Variants in MED14 observed in about 807,000 individuals in gnomAD.
MED14 encodes the protein mediator of RNA polymerase II transcription subunit 14.
MED14 carries 8 observed loss-of-function variants against 109.0 expected under a neutral mutation model. That is an observed-to-expected ratio of 0.07 (90% CI 0.04 to 0.13). The LOEUF (loss-of-function observed/expected upper bound fraction) is 0.13, where lower values mean the gene tolerates loss of function less well. MED14 is among the 10% of genes least tolerant of loss of function. The pLI is 1.00. For synonymous variants in MED14, 399 were observed against 408.7 expected (o/e 0.98, Z 0.29); for missense variants, 711 against 1,142.4 (o/e 0.62, Z 5.44).
In MED14 at chrX:40,680,885, T is replaced by C. The variant is rs1243957792; in HGVS notation, c.2483A>G (p.His828Arg). 2.1e-5 allele frequency: 25 copies of C among 1,187,522 alleles called. No homozygotes were observed. Among genetic ancestry groups the C allele is most frequent in the African/African-American group, 3.5e-5 (2 of 56,705 alleles). ...SSISIQWNSI[H>R]QKFHISLGTV... ...TCCCAAAGAAATGTGGAATTTTTGA[T>C]GGATCGAATTCCATTGGATACTAAT... Residue 828 changes from histidine (H) to arginine (R), a missense_variant, in exon 20 of 31, where the codon CAT becomes CGT. Around this residue, in one of 8 missense-constraint regions of MED14, gnomAD observed 388 missense variants for 517.3 expected, o/e 0.75. Transcript: ENST00000324817.
At chrX:40,730,931 G>A (rs972044599) in intron 1 of MED14, among the ~76,000 whole-genome samples, 7 of 107,681 alleles carry the variant, frequency 6.5e-5, no homozygotes, top group East Asian at 3.0e-4. Context: ...GGTGCAGATC[G>A]CTTGAGTCCG....
intron 28 of MED14, among the ~76,000 whole-genome samples, chrX:40,655,284 T>C (rs921836401): frequency 3.6e-5 from 4 of 111,412 alleles, no homozygotes; most frequent in African/African-American, 1.3e-4. Flanking sequence ...TCCCACTTCG[T>C]TAATTCCTAA....
intron 3 of MED14, 93 bp downstream of exon 3, chrX:40,726,653 G>A: frequency 1.6e-6 from 1 of 628,166 alleles, no homozygotes; most frequent in Non-Finnish European, 2.5e-6. Flanking sequence ...ACTCAAATCA[G>A]CAGGGATAAG....
intron 1 of MED14, among the ~76,000 whole-genome samples, chrX:40,730,098 A>G (rs193192684): frequency 3.6e-5 from 4 of 112,171 alleles, no homozygotes; most frequent in Non-Finnish European, 3.8e-5. Flanking sequence ...CCTCTCCCAC[A>G]GCTAATCAGT....
At chrX:40,726,675 A>C in intron 3 of MED14, 71 bp downstream of exon 3, 1 of 843,853 alleles carries the variant, frequency 1.2e-6, no homozygotes, top group Non-Finnish European at 1.7e-6. Context: ...TAAAGCTAAA[A>C]TGTAAAACTA....
chrX:40,716,155 C>T lies in MED14; in HGVS notation c.349-1445G>A, dbSNP rs547533708. ...AAAACCACAATGAGATATCATCTCA[C>T]CCCAGTTAAAATGACTATTATCAAA... is the stretch of plus-strand genomic sequence containing the variant. On this transcript the variant is annotated intron_variant, in intron 3 of 30. Coordinates refer to ENST00000324817, the MANE Select transcript of MED14 (RefSeq NM_004229.4). 4.6e-4 allele frequency among the ~76,000 whole-genome samples: 51 copies of T among 111,621 alleles called. 1 individual carries two copies. The South Asian group carries it at 0.019, about 41-fold the overall frequency.
intron 26 of MED14, among the ~76,000 whole-genome samples, chrX:40,660,780 GTTTAT>G (rs1023707158): frequency 7.1e-5 from 8 of 112,762 alleles, no homozygotes; most frequent in African/African-American, 1.9e-4. Flanking sequence ...GCTAATTTTA[GTTTAT>G]TTTATTATTT....
chrX:40,679,990 G>A lies in MED14; in HGVS notation c.2754C>T (p.Phe918=), dbSNP rs959145981. The change falls in exon 21 of 31, where the codon TTC becomes TTT. Residue 918 remains phenylalanine (F), a synonymous_variant. Coordinates refer to ENST00000324817, the MANE Select transcript of MED14 (RefSeq NM_004229.4). ...ATATATCAATGCAATACATGTTCCT[G>A]AAGGCCAGTCTGATGTGGGTGGACG... The part of the protein sequence containing the change: ...PQSSTHIRLA[F]RNMYCIDIYC... 11 of 1,209,090 alleles carry A rather than the reference G, an allele frequency of 9.1e-6. No homozygotes were observed. Among genetic ancestry groups the A allele is most frequent in the Middle Eastern group, 4.6e-4 (2 of 4,372 alleles).
intron 1 of MED14, among the ~76,000 whole-genome samples, chrX:40,731,680 C>T (rs897283992): frequency 6.2e-5 from 7 of 112,238 alleles, no homozygotes; most frequent in African/African-American, 2.3e-4. Context: ...AATCAGTGTA[C>T]TTGTGATATC....
At chrX:40,675,430 T>C in intron 21 of MED14, 69 bp from the exon 22 acceptor site, 1 of 814,827 alleles carries the variant, frequency 1.2e-6, no homozygotes, top group South Asian at 3.8e-5. Flanking sequence ...TTTAAATTAT[T>C]TAGAATATTT....
At chrX:40,697,287 G>A in intron 12 of MED14, 104 bp from the exon 13 acceptor site, 1 of 475,727 alleles carries the variant, frequency 2.1e-6, no homozygotes, top group East Asian at 3.8e-5. Flanking sequence ...ACAATTAATT[G>A]AAATTTAACT....
chrX:40,660,727 T>C (rs952819739), intron 26 of MED14, among the ~76,000 whole-genome samples: 2 of 112,439 alleles, frequency 1.8e-5, no homozygotes, highest in African/African-American at 3.2e-5. Context: ...GTAAGTGGCA[T>C]AGCTGAGGCT....
intron 1 of MED14, 71 bp downstream of exon 1, chrX:40,735,127 A>C (rs1932209420): frequency 1.4e-6 from 1 of 734,956 alleles, no homozygotes; most frequent in Non-Finnish European, 1.8e-6. Flanking sequence ...GGGGAGAGGG[A>C]GGTGCAAACG....
At chrX:40,656,429 G>C (rs1404511950) in intron 28 of MED14, among the ~76,000 whole-genome samples, 1 of 112,328 alleles carries the variant, frequency 8.9e-6, no homozygotes, top group Non-Finnish European at 1.9e-5. Context: ...TCTAAACGCT[G>C]ATAAAACTGT....
chrX:40,658,688 C>CAA (rs60449902), intron 28 of MED14, among the ~76,000 whole-genome samples: 3 of 21,654 alleles, frequency 1.4e-4, no homozygotes, highest in African/African-American at 1.8e-4. Flanking sequence ...CCGTCTCTAC[C>CAA]AAAAAAAAAA....
chrX:40,659,009 T>C (rs377650332), intron 28 of MED14, among the ~76,000 whole-genome samples: 6 of 112,250 alleles, frequency 5.3e-5, no homozygotes, highest in African/African-American at 1.9e-4. Context: ...CAGGAACTGA[T>C]GGGAAATTTC....
At chrX:40,657,816 T>G (rs912635517) in intron 28 of MED14, among the ~76,000 whole-genome samples, 1 of 111,787 alleles carries the variant, frequency 8.9e-6, no homozygotes, top group Non-Finnish European at 1.9e-5. Flanking sequence ...TTTGGAGATG[T>G]AGTCTCACTC....
chrX:40,657,229 C>T lies in MED14; in HGVS notation c.3972+1998G>A, dbSNP rs932694478. On this transcript the variant is annotated intron_variant, in intron 28 of 30. Transcript: ENST00000324817. ...AAATGCTATTATGCATTGAATTGCG[C>T]ACCTGAAGAAGACATGAAGTCCTAA... Among the ~76,000 whole-genome samples the T allele has an allele frequency of 3.6e-5, 4 of 111,691 alleles. No homozygotes were observed. The Admixed American group carries it at 3.8e-4, about 11-fold the overall frequency.
intron 10 of MED14, among the ~76,000 whole-genome samples, chrX:40,706,726 C>T (rs1326626930): frequency 9.0e-6 from 1 of 111,664 alleles, no homozygotes; most frequent in African/African-American, 3.3e-5. Flanking sequence ...TAAACGTATG[C>T]TTTGAGTTTA....
Sources: allele counts gnomAD v4.1 joint callset (sites outside exome capture counted in the v4.1 genomes callset), GRCh38; gene constraint gnomAD v4.1.1; regional missense constraint gnomAD v4.1.1; transcripts MANE v1.5; gene names NCBI Gene and HGNC (gene_info 2026-07-23, HGNC 2026-07-21).